The following RAD51B variants were observed in gnomAD, a reference collection of about 807,000 sequenced individuals.
RAD51B encodes DNA repair protein RAD51 homolog 2.
In RAD51B, 38 loss-of-function variants were observed where a neutral mutation model predicts 42.2. The observed-to-expected ratio is 0.90, with a 90% CI of 0.70 to 1.18. The LOEUF (loss-of-function observed/expected upper bound fraction) is 1.18. Among genes scored for constraint, RAD51B ranks in the 50% most tolerant of loss-of-function variants. The pLI is 0.00. For synonymous variants in RAD51B, 154 were observed against 145.2 expected (o/e 1.06, Z -0.43); for missense variants, 373 against 400.7 (o/e 0.93, Z 0.59).
chr14:67,891,448 C>A (rs2043216320), intron 7 of RAD51B, among the ~76,000 whole-genome samples: 1 of 152,112 alleles, frequency 6.6e-6, no homozygotes, highest in East Asian at 1.9e-4. Flanking sequence ...ATGTTTAAAG[C>A]TGCTTAGACA....
chr14:68,061,965 G>T (rs1737392028), intron 7 of RAD51B, among the ~76,000 whole-genome samples: 1 of 152,152 alleles, frequency 6.6e-6, no homozygotes, highest in African/African-American at 2.4e-5. Flanking sequence ...GAGCATCTTT[G>T]TCTTGTTCTG....
intron 9 of RAD51B, among the ~76,000 whole-genome samples, chr14:68,413,835 C>T (rs1413598768): frequency 2.0e-5 from 3 of 152,134 alleles, no homozygotes; most frequent in African/African-American, 7.2e-5. Context: ...CTTATAACAC[C>T]ATTTAGTAGC....
chr14:68,425,822 G>A (rs953421257), intron 9 of RAD51B, among the ~76,000 whole-genome samples: 4 of 152,138 alleles, frequency 2.6e-5, no homozygotes, highest in Non-Finnish European at 4.4e-5. Flanking sequence ...TATAAATGGA[G>A]TATTAACAGT....
At chr14:68,364,699 G>A (rs2139926505) in intron 8 of RAD51B, among the ~76,000 whole-genome samples, 2 of 152,334 alleles carry the variant, frequency 1.3e-5, no homozygotes, top group African/African-American at 2.4e-5. Flanking sequence ...CCCTTCAAGG[G>A]AGCAGTAAGG....
chr14:68,008,561 T>C (rs1443945401), intron 7 of RAD51B, among the ~76,000 whole-genome samples: 1 of 151,916 alleles, frequency 6.6e-6, no homozygotes, highest in African/African-American at 2.4e-5. Flanking sequence ...TAAATATGTA[T>C]TGCTCTCTAA....
chr14:68,363,193 C>T (rs372879629), intron 8 of RAD51B, among the ~76,000 whole-genome samples: 1 of 152,188 alleles, frequency 6.6e-6, no homozygotes, highest in East Asian at 1.9e-4. Context: ...TTGCTTACCC[C>T]TGAGACTGCA....
intron 7 of RAD51B, among the ~76,000 whole-genome samples, chr14:67,916,263 A>G (rs538850091): frequency 1.1e-4 from 17 of 150,106 alleles, no homozygotes; most frequent in South Asian, 8.3e-4. Flanking sequence ...AAATTTACTT[A>G]AAGTATTTTT....
intron 7 of RAD51B, among the ~76,000 whole-genome samples, chr14:68,089,146 C>T (rs1255169747): frequency 1.3e-5 from 2 of 152,032 alleles, no homozygotes; most frequent in African/African-American, 4.8e-5. Context: ...TTTGAAGCAC[C>T]CAATTCTCTG....
intron 7 of RAD51B, among the ~76,000 whole-genome samples, chr14:67,913,820 T>C (rs2044065244): frequency 6.6e-6 from 1 of 152,110 alleles, no homozygotes; most frequent in Non-Finnish European, 1.5e-5. Context: ...TTAGTTATTT[T>C]TAAAGTACAA....
intron 7 of RAD51B, among the ~76,000 whole-genome samples, chr14:68,234,246 A>G (rs953825934): frequency 6.6e-6 from 1 of 152,206 alleles, no homozygotes; most frequent in African/African-American, 2.4e-5. Flanking sequence ...TCAGAGGAAA[A>G]GCAGCCTTGG....
intron 7 of RAD51B, among the ~76,000 whole-genome samples, chr14:68,237,095 C>T (rs535476896): frequency 6.6e-6 from 1 of 152,272 alleles, no homozygotes; most frequent in East Asian, 1.9e-4. Flanking sequence ...AAATCTCTGT[C>T]CTGGGAAATT....
chr14:67,975,094 A>G (rs772188225), intron 7 of RAD51B, among the ~76,000 whole-genome samples: 1 of 152,182 alleles, frequency 6.6e-6, no homozygotes, highest in Non-Finnish European at 1.5e-5. Context: ...TAAACAATGA[A>G]CATTTATTAC....
At chr14:67,895,483 A>C (rs1405165707) in intron 7 of RAD51B, among the ~76,000 whole-genome samples, 1 of 152,222 alleles carries the variant, frequency 6.6e-6, no homozygotes, top group Non-Finnish European at 1.5e-5. Flanking sequence ...ATGGGTACAT[A>C]CCATTGCTAC....
intron 7 of RAD51B, among the ~76,000 whole-genome samples, chr14:68,229,090 G>A (rs2080096624): frequency 1.3e-5 from 2 of 152,154 alleles, no homozygotes; most frequent in Non-Finnish European, 2.9e-5. Context: ...TTTTGCTGAT[G>A]GGCAAAATTA....
rs150908370 is a variant in RAD51B at position 68,267,921 on chromosome 14, GATAA to G, written c.757-23961_757-23958del. Among the ~76,000 whole-genome samples the G allele has an allele frequency of 1.7e-3, 249 of 149,552 alleles. 7 individuals are homozygous for G. In the East Asian group the frequency reaches 0.044, roughly 27 times the overall value. ...AGTTTTATGGTTCTCATTTTACACA[GATAA>G]AACCAAACTTTTCAGATGTCAAATA... On this transcript the variant is annotated intron_variant, in intron 7 of 10. Coordinates refer to ENST00000471583, the MANE Select transcript of RAD51B (RefSeq NM_133510.4).
chr14:67,904,881 T>C (rs565855177), intron 7 of RAD51B, among the ~76,000 whole-genome samples: 10 of 151,912 alleles, frequency 6.6e-5, no homozygotes, highest in African/African-American at 2.4e-4. Flanking sequence ...ATTCTGTTTA[T>C]AGTTTCTTTT....
chr14:68,442,141 A>G (rs1449223637), intron 9 of RAD51B, among the ~76,000 whole-genome samples: 1 of 152,226 alleles, frequency 6.6e-6, no homozygotes, highest in Non-Finnish European at 1.5e-5. Flanking sequence ...AGTCAACAGC[A>G]CGTAGTGTTA....
chr14:67,825,512 A>G lies in RAD51B; in HGVS notation c.133A>G (p.Ser45Gly). The G allele has an allele frequency of 6.2e-7, 1 of 1,613,794 alleles. No individual in the cohort carries two copies. Residue 45 changes from serine to glycine, a missense_variant, in exon 3 of 11, where the codon AGT becomes GGT. Transcript: ENST00000471583. ...PLELMKVTGL[S>G]YRGVHELLCM... ...GGAGCTTATGAAGGTGACTGGTCTG[A>G]GTTATCGAGGTGTCCATGAACTTCT...
rs1000505783 is a variant in RAD51B, at chr14:68,437,329, G to A, written c.957+25802G>A. The stretch of plus-strand genomic sequence containing the variant: ...TCATAAATATCGATTTGCATATGTT[G>A]AACCAACCTTGCACCTCAGAAATGA... On this transcript the variant is annotated intron_variant, in intron 9 of 10. Coordinates refer to ENST00000471583, the MANE Select transcript of RAD51B (RefSeq NM_133510.4). 2.6e-5 allele frequency among the ~76,000 whole-genome samples: 4 copies of A among 152,212 alleles called. No individual in the cohort carries two copies. In the East Asian group the frequency reaches 7.7e-4, roughly 29 times the overall value.
Sources: allele counts gnomAD v4.1 joint callset (sites outside exome capture counted in the v4.1 genomes callset), GRCh38; gene constraint gnomAD v4.1.1; transcripts MANE v1.5; gene names NCBI Gene and HGNC (gene_info 2026-07-23, HGNC 2026-07-21).